The following ANKDD1B variants were observed in gnomAD, a reference collection of about 807,000 sequenced individuals.
The protein encoded by ANKDD1B is ankyrin repeat and death domain containing 1B.
Under a neutral mutation model 59.7 loss-of-function variants are expected in ANKDD1B, and 57 were observed. The observed-to-expected ratio is 0.95, with a 90% confidence interval of 0.77 to 1.19. The LOEUF is 1.19. Ranked by LOEUF, ANKDD1B falls within the 50% of genes most tolerant of loss-of-function variation. The pLI, the probability that ANKDD1B is intolerant of heterozygous loss-of-function variation, is 0.00. For synonymous variants in ANKDD1B, 216 were observed against 239.5 expected, an observed-to-expected ratio of 0.90 and a Z score of 0.91; for missense variants, 602 against 641.9, an observed-to-expected ratio of 0.94 and a Z score of 0.67.
intron 2 of ANKDD1B, among the ~76,000 whole-genome samples, chr5:75,619,850 T>C (rs574526103): frequency 5.5e-4 from 84 of 152,324 alleles, no homozygotes; most frequent in Non-Finnish European, 1.1e-3. Flanking sequence ...AAGGAATTTA[T>C]TTGCTTCAGT....
In ANKDD1B at chr5:75,671,080, C is replaced by A; in HGVS notation, c.*40C>A. ...TGTATTTACATGATTTTCCACTCAGCATTCAGTTCTTTTAATGCCATAAAT... is the reference window on the plus strand; with the variant it reads ...TGTATTTACATGATTTTCCACTCAGAATTCAGTTCTTTTAATGCCATAAAT... On this transcript the variant is annotated 3_prime_UTR_variant, in exon 14 of 14. Coordinates refer to ENST00000601380, the MANE Select transcript of ANKDD1B (RefSeq NM_001276713.2). The A allele has an allele frequency of 9.9e-7, 1 of 1,014,748 alleles. No individual in the cohort carries two copies. Among genetic ancestry groups the A allele is most frequent in the Non-Finnish European group, 1.3e-6 (1 of 789,618 alleles). 62.9% of individuals were successfully genotyped at this position (1,014,748 alleles called of 1,614,324 possible).
chr5:75,662,148 C>T (rs1298811351), intron 10 of ANKDD1B, among the ~76,000 whole-genome samples: 1 of 152,038 alleles, frequency 6.6e-6, no homozygotes, highest in Non-Finnish European at 1.5e-5. Context: ...GGAAGATTTT[C>T]CTTTGAACTT....
chr5:75,642,261 G>A (rs1197204210), intron 7 of ANKDD1B, among the ~76,000 whole-genome samples: 2 of 152,010 alleles, frequency 1.3e-5, no homozygotes, highest in African/African-American at 4.8e-5. Flanking sequence ...GGCCGAATAG[G>A]AACAGCTCCG....
chr5:75,666,632 CAA>C (rs78464950), intron 11 of ANKDD1B, among the ~76,000 whole-genome samples, 158 bp from the exon 12 acceptor site: 191 of 56,576 alleles, frequency 3.4e-3, no homozygotes, highest in African/African-American at 0.016. Context: ...TTTTGGATGG[CAA>C]AAAAAAAAAA....
intron 11 of ANKDD1B, among the ~76,000 whole-genome samples, chr5:75,665,156 C>G (rs1198204149): frequency 6.6e-6 from 1 of 152,186 alleles, no homozygotes; most frequent in Non-Finnish European, 1.5e-5. Flanking sequence ...TCCACCAGTT[C>G]TGGCTCATGT....
At position 75,628,149 on chromosome 5, in the gene ANKDD1B, T is replaced by C. The variant is rs189499206; in HGVS notation, c.600+2194T>C. Among the ~76,000 whole-genome samples, 167 of 152,318 alleles carry C rather than the reference T, an allele frequency of 1.1e-3. 1 individual carries two copies. In the East Asian group the frequency reaches 0.028, roughly 26 times the overall value. On this transcript the variant is annotated intron_variant, in intron 5 of 13. Coordinates refer to ENST00000601380, the MANE Select transcript of ANKDD1B (RefSeq NM_001276713.2). ...AAACACAGAAAAAATCTACTTTTTT[T>C]CTAAGATCTGTGAGTGGGTCATACC...
chr5:75,653,968 C>T (rs189552761), intron 8 of ANKDD1B, among the ~76,000 whole-genome samples: 240 of 152,318 alleles, frequency 1.6e-3, no homozygotes, highest in African/African-American at 5.0e-3. Context: ...TGGGTGGCCC[C>T]GGCAAGAAGG....
Position 75,624,810 on chromosome 5 carries a change from A to G in ANKDD1B, c.397-837A>G, listed in dbSNP as rs147459528. Among the ~76,000 whole-genome samples the G allele has an allele frequency of 4.8e-3, 724 of 152,312 alleles. 7 individuals are homozygous for G. Among genetic ancestry groups the G allele is most frequent in the Non-Finnish European group, 5.6e-3 (383 of 68,020 alleles). On this transcript the variant is annotated intron_variant, in intron 3 of 13. Transcript: ENST00000601380. Reference sequence around the variant, plus strand: ...TATAGATAGATATAGATATATACATATACATGTATGGGGTTTTGTTAATCA... The same window carrying G: ...TATAGATAGATATAGATATATACATGTACATGTATGGGGTTTTGTTAATCA...
At chr5:75,653,818 A>G (rs1774891653) in intron 8 of ANKDD1B, among the ~76,000 whole-genome samples, 1 of 152,196 alleles carries the variant, frequency 6.6e-6, no homozygotes, top group South Asian at 2.1e-4. Context: ...TATTTATTGT[A>G]TTAACTCAAG....
intron 7 of ANKDD1B, among the ~76,000 whole-genome samples, chr5:75,651,231 C>G (rs1045645433): frequency 6.6e-6 from 1 of 152,176 alleles, no homozygotes; most frequent in African/African-American, 2.4e-5. Context: ...TGCAGAGGAG[C>G]CTGTGGGACA....
Position 75,656,042 on chromosome 5 carries a change from C to G in ANKDD1B, c.911C>G (p.Pro304Arg). The change falls in exon 9 of 14, where the codon CCT becomes CGT. Residue 304 changes from proline to arginine, a missense_variant. Pro to Arg is a moderately radical substitution (Grantham distance 103). This residue lies in a region of ANKDD1B where 280 missense variants were observed against 319.8 expected (regional missense o/e 0.88). Transcript: ENST00000601380. ...TTCTCTCTGCAGCCTAAGGAGTCCC[C>G]TCTTCATTTAGTTGTTATCAACAAC... is the stretch of plus-strand genomic sequence containing the variant. ...LHQKVEPKESPLHLVVINNHI... is the reference protein window; with the variant it reads ...LHQKVEPKESRLHLVVINNHI... The G allele has an allele frequency of 3.3e-6, 5 of 1,492,798 alleles. No homozygotes were observed. The highest frequency in any genetic ancestry group is 4.5e-6 in the Non-Finnish European group (5 of 1,108,168). The allele number at this position is 1,492,798 out of a possible 1,614,324, so 92.5% of individuals were successfully genotyped here.
At chr5:75,663,288 A>G in intron 10 of ANKDD1B, 106 bp from the exon 11 acceptor site, 2 of 824,122 alleles carry the variant, frequency 2.4e-6, no homozygotes, top group South Asian at 3.1e-5. Context: ...TTTACCCAGC[A>G]TGGGCTGGTA....
At chr5:75,632,874 C>T (rs141602227) in intron 5 of ANKDD1B, among the ~76,000 whole-genome samples, 188 of 152,292 alleles carry the variant, frequency 1.2e-3, no homozygotes, top group African/African-American at 4.4e-3. Context: ...ATCTTGGTCA[C>T]TCTATTGCTT....
intron 7 of ANKDD1B, among the ~76,000 whole-genome samples, chr5:75,648,274 A>AAAAAAAAT (rs1554068913): frequency 6.8e-6 from 1 of 147,914 alleles, no homozygotes; most frequent in African/African-American, 2.5e-5. Context: ...AATTAAAAAA[A>AAAAAAAAT]AAAAAAAAAG....
intron 7 of ANKDD1B, among the ~76,000 whole-genome samples, chr5:75,650,942 G>A (rs1370519238): frequency 6.6e-6 from 1 of 152,196 alleles, no homozygotes; most frequent in African/African-American, 2.4e-5. Context: ...CACATGCCTG[G>A]CAGTTAATGC....
Position 75,663,404 on chromosome 5 carries a change from C to T in ANKDD1B, c.1106C>T (p.Thr369Ile), listed in dbSNP as rs1390125132. Residue 369 changes from threonine to isoleucine, a missense_variant, in exon 11 of 14, where the codon ACT (threonine) becomes ATT (isoleucine). Thr to Ile is a moderately conservative substitution (Grantham distance 89). This residue lies in a region of ANKDD1B where 280 missense variants were observed against 319.8 expected (regional missense o/e 0.88). Transcript: ENST00000601380. ...CTTTTTTAATTTTAGCAAGGAAAGA[C>T]TGCCCTGGCTGTGGCCTCCAGGAGC... is the stretch of plus-strand genomic sequence containing the variant. ...DLKAVDKQGK[T>I]ALAVASRSNH... The T allele has an allele frequency of 1.2e-5, 18 of 1,535,950 alleles. No homozygotes were observed. Among genetic ancestry groups the T allele is most frequent in the Middle Eastern group, 3.3e-4 (2 of 6,014 alleles).
intron 3 of ANKDD1B, among the ~76,000 whole-genome samples, chr5:75,620,832 A>G (rs1384160739): frequency 6.6e-6 from 1 of 152,154 alleles, no homozygotes; most frequent in Admixed American, 6.5e-5. Context: ...ACACAACTTT[A>G]TGCCATCACT....
In ANKDD1B at chr5:75,634,839, T is replaced by C. The variant is rs1774255826; in HGVS notation, c.601-59T>C. 16 of 1,115,914 alleles carry C rather than the reference T, an allele frequency of 1.4e-5. 1 individual carries two copies. The South Asian group carries it at 2.1e-4, about 15-fold the overall frequency. The allele number at this position is 1,115,914 out of a possible 1,614,324, so 69.1% of individuals were successfully genotyped here. On this transcript the variant is annotated intron_variant, in intron 5 of 13. Coordinates refer to ENST00000601380, the MANE Select transcript of ANKDD1B (RefSeq NM_001276713.2). ...CTTGAAATGTCGCTAGCTTTGTCCA[T>C]TGTCTTGCTTGTTCACTAAGACTGT...
intron 3 of ANKDD1B, among the ~76,000 whole-genome samples, chr5:75,623,626 C>T (rs958625117): frequency 2.6e-5 from 4 of 152,078 alleles, no homozygotes; most frequent in African/African-American, 9.7e-5. Flanking sequence ...AGGATATGCA[C>T]ATTAAGAGTG....
Sources: allele counts gnomAD v4.1 joint callset (sites outside exome capture counted in the v4.1 genomes callset), GRCh38; gene constraint gnomAD v4.1.1; regional missense constraint gnomAD v4.1.1; transcripts MANE v1.5; gene names NCBI Gene and HGNC (gene_info 2026-07-23, HGNC 2026-07-21).